Variants in MARCHF1 observed in about 807,000 individuals in gnomAD.
MARCHF1 encodes the protein E3 ubiquitin-protein ligase MARCHF1.
MARCHF1 carries 40 observed loss-of-function variants against 54.2 expected under a neutral mutation model. The observed-to-expected ratio is 0.74, with a 90% confidence interval of 0.57 to 0.96. MARCHF1 has a LOEUF of 0.96. Ranked by LOEUF, MARCHF1 falls within the 40% of genes least tolerant of loss-of-function variation. The pLI, the probability that MARCHF1 is intolerant of heterozygous loss-of-function variation, is 0.00. For missense variants in MARCHF1, 586 were observed against 656.5 expected (o/e 0.89, Z 1.17); for synonymous variants, 236 against 236.3 (o/e 1.00, Z 0.01).
At chr4:163,969,365 A>T (rs1302100861) in intron 3 of MARCHF1, among the ~76,000 whole-genome samples, 1 of 152,204 alleles carries the variant, frequency 6.6e-6, no homozygotes, top group African/African-American at 2.4e-5. Flanking sequence ...TGCTGGAATG[A>T]GAATGCTTTA....
At chr4:164,006,314 C>T (rs547788312) in intron 2 of MARCHF1, among the ~76,000 whole-genome samples, 5 of 151,954 alleles carry the variant, frequency 3.3e-5, no homozygotes, top group Non-Finnish European at 7.4e-5. Flanking sequence ...CTAAAAAAGA[C>T]ATTTGTTGCA....
At chr4:164,174,135 C>T (rs181673775) in intron 1 of MARCHF1, among the ~76,000 whole-genome samples, 3 of 152,228 alleles carry the variant, frequency 2.0e-5, no homozygotes, top group Admixed American at 2.0e-4. Context: ...TCATGGCTCA[C>T]CACATGCTGA....
chr4:164,182,509 CTCCTTCCT>C (rs555114016), intron 1 of MARCHF1, among the ~76,000 whole-genome samples: 3 of 151,788 alleles, frequency 2.0e-5, no homozygotes, highest in South Asian at 2.1e-4. Context: ...TATCATCTCT[CTCCTTCCT>C]TCCTTCCTTC....
intron 4 of MARCHF1, among the ~76,000 whole-genome samples, chr4:163,808,693 C>G (rs955178630): frequency 4.6e-5 from 7 of 152,064 alleles, no homozygotes; most frequent in African/African-American, 1.4e-4. Flanking sequence ...CTCAGCCTCC[C>G]AAGTAGCTGG....
intron 1 of MARCHF1, among the ~76,000 whole-genome samples, chr4:164,193,362 C>A (rs563327217): frequency 4.6e-5 from 7 of 152,040 alleles, no homozygotes; most frequent in African/African-American, 1.7e-4. Context: ...CTGTAACTTC[C>A]CAGTTCTCAG....
At chr4:163,930,293 G>A (rs1751642219) in intron 3 of MARCHF1, among the ~76,000 whole-genome samples, 2 of 151,628 alleles carry the variant, frequency 1.3e-5, no homozygotes, top group Non-Finnish European at 2.9e-5. Context: ...GAGGGCACCA[G>A]AGACCTAGAA....
chr4:163,541,288 T>C (rs907810686), intron 9 of MARCHF1, among the ~76,000 whole-genome samples: 6 of 152,268 alleles, frequency 3.9e-5, no homozygotes, highest in Admixed American at 3.3e-4. Context: ...TAGTCCCTTA[T>C]GTATACATTG....
At chr4:163,631,450 C>A (rs1243535719) in intron 5 of MARCHF1, among the ~76,000 whole-genome samples, 1 of 152,150 alleles carries the variant, frequency 6.6e-6, no homozygotes, top group African/African-American at 2.4e-5. Context: ...CCCTCGGCCT[C>A]CCAAAGTGCT....
intron 1 of MARCHF1, among the ~76,000 whole-genome samples, chr4:164,354,033 G>A (rs1287500548): frequency 1.0e-5 from 1 of 98,712 alleles, no homozygotes; most frequent in African/African-American, 3.6e-5. Context: ...TACATTCCTC[G>A]ACACATACGC....
At chr4:163,851,753 G>A (rs1023387234) in intron 4 of MARCHF1, among the ~76,000 whole-genome samples, 1 of 152,290 alleles carries the variant, frequency 6.6e-6, no homozygotes, top group East Asian at 1.9e-4. Context: ...GAAATGGAAG[G>A]ACGTCCTTGC....
At chr4:163,698,485 T>TG (rs1744703449) in intron 5 of MARCHF1, among the ~76,000 whole-genome samples, 1 of 152,206 alleles carries the variant, frequency 6.6e-6, no homozygotes, top group Non-Finnish European at 1.5e-5. Context: ...TTCCTATCAC[T>TG]GGTTGATGGT....
chr4:164,336,194 T>C (rs75519454), intron 1 of MARCHF1, among the ~76,000 whole-genome samples: 2,307 of 152,222 alleles, frequency 0.015, 74 homozygotes, highest in East Asian at 0.13. Context: ...AACAACCAAA[T>C]TGGCTATTCT....
intron 4 of MARCHF1, among the ~76,000 whole-genome samples, chr4:163,793,072 T>C (rs1747813551): frequency 6.6e-6 from 1 of 152,238 alleles, no homozygotes; most frequent in Non-Finnish European, 1.5e-5. Flanking sequence ...AGACGTTAAA[T>C]AACTTTCAGT....
chr4:163,859,065 G>A (rs915434323), intron 3 of MARCHF1, among the ~76,000 whole-genome samples: 3 of 152,146 alleles, frequency 2.0e-5, no homozygotes, highest in African/African-American at 7.2e-5. Flanking sequence ...AATTGTTGAT[G>A]ATACAATGAA....
At chr4:164,347,892 C>T (rs1372592355) in intron 1 of MARCHF1, among the ~76,000 whole-genome samples, 1 of 151,948 alleles carries the variant, frequency 6.6e-6, no homozygotes, top group Non-Finnish European at 1.5e-5. Flanking sequence ...TGTTTAATGC[C>T]ATTTATTATA....
chr4:164,165,885 C>T (rs1730367857), intron 1 of MARCHF1, among the ~76,000 whole-genome samples: 1 of 151,936 alleles, frequency 6.6e-6, no homozygotes, highest in Non-Finnish European at 1.5e-5. Context: ...AGTGGGTCAC[C>T]AGAGTAATTG....
intron 1 of MARCHF1, 43 bp downstream of exon 1, chr4:164,383,827 C>T (rs1731448086): frequency 6.6e-6 from 1 of 152,512 alleles, no homozygotes; most frequent in Non-Finnish European, 1.5e-5. Context: ...AGAAGGGGCT[C>T]CCAGTGAGGC....
chr4:163,542,348 G>A (rs17611011), intron 9 of MARCHF1, among the ~76,000 whole-genome samples: 2,915 of 152,324 alleles, frequency 0.019, 49 homozygotes, highest in East Asian at 0.069. Context: ...TCAGCACCGG[G>A]GAGATGTAGT....
At chr4:164,342,983 A>T (rs1053036906) in intron 1 of MARCHF1, among the ~76,000 whole-genome samples, 1 of 152,124 alleles carries the variant, frequency 6.6e-6, no homozygotes, top group Non-Finnish European at 1.5e-5. Context: ...AGGATTGGAG[A>T]TGGGGATAAA....
Sources: gnomAD v4.1 joint callset for allele counts (sites outside exome capture counted in the v4.1 genomes callset) on GRCh38, gnomAD v4.1.1 for gene constraint, MANE v1.5 for transcripts, NCBI Gene and HGNC (gene_info 2026-07-23, HGNC 2026-07-21) for gene names.